The following TBL1X variants were observed in gnomAD, a reference collection of about 807,000 sequenced individuals.
TBL1X encodes the protein F-box-like/WD repeat-containing protein TBL1X.
A neutral mutation model predicts 50.7 loss-of-function variants in TBL1X; 10 were observed. The ratio of observed to expected loss-of-function variants is 0.20; its 90% confidence interval spans 0.12 to 0.33. The LOEUF (loss-of-function observed/expected upper bound fraction) is 0.33. TBL1X is among the 10% of genes least tolerant of loss of function. TBL1X has a pLI of 1.00. For missense variants in TBL1X, 340 were observed against 504.4 expected, an observed-to-expected ratio of 0.67 and a Z score of 3.12; for synonymous variants, 190 against 214.7, an observed-to-expected ratio of 0.88 and a Z score of 1.01.
chrX:9,520,827 C>T (rs1348928416), intron 2 of TBL1X, among the ~76,000 whole-genome samples: 1 of 111,212 alleles, frequency 9.0e-6, no homozygotes, highest in East Asian at 2.8e-4. Context: ...CATGGTGGCT[C>T]ATGTCTGTAA....
At chrX:9,547,076 C>T (rs1323472523) in intron 2 of TBL1X, among the ~76,000 whole-genome samples, 1 of 109,653 alleles carries the variant, frequency 9.1e-6, no homozygotes, top group Non-Finnish European at 1.9e-5. Context: ...CCTCGGCCTC[C>T]CAAAGTGCTG....
intron 1 of TBL1X, among the ~76,000 whole-genome samples, chrX:9,493,644 C>T (rs1185338943): frequency 9.1e-6 from 1 of 110,485 alleles, no homozygotes; most frequent in Non-Finnish European, 1.9e-5. Context: ...GTTCCTGGTC[C>T]CAGCTACTTG....
chrX:9,510,089 C>T (rs190463677), intron 2 of TBL1X, among the ~76,000 whole-genome samples: 2 of 111,127 alleles, frequency 1.8e-5, no homozygotes, highest in East Asian at 5.6e-4. Flanking sequence ...CCTGTTTTAC[C>T]TTTGGCAACA....
At chrX:9,547,377 T>C (rs1227661874) in intron 2 of TBL1X, among the ~76,000 whole-genome samples, 2 of 110,321 alleles carry the variant, frequency 1.8e-5, no homozygotes, top group African/African-American at 6.6e-5. Flanking sequence ...TGGAGTGCAA[T>C]GGCGCGATCT....
rs777721422 is a variant in TBL1X at position 9,565,571 on chromosome X, G to GT, written c.-131+63723dup. On this transcript the variant is annotated intron_variant, in intron 2 of 17. Coordinates refer to ENST00000645353, the MANE Select transcript of TBL1X (RefSeq NM_005647.4). Reference sequence around the variant, plus strand: ...TGGCCAGGCATGGTGGCTTATGCCTGTAATTACAACACTTCGGGAGGCCGA... The same window carrying GT: ...TGGCCAGGCATGGTGGCTTATGCCTGTTAATTACAACACTTCGGGAGGCCGA... 3.2e-4 allele frequency among the ~76,000 whole-genome samples: 36 copies of GT among 111,560 alleles called. 1 individual carries two copies. The South Asian group carries it at 0.013, about 41-fold the overall frequency.
chrX:9,574,541 C>A (rs1258654496), intron 2 of TBL1X, among the ~76,000 whole-genome samples: 1 of 108,542 alleles, frequency 9.2e-6, no homozygotes, highest in Non-Finnish European at 1.9e-5. Context: ...CCTTCCCGAA[C>A]CTTTGCTGGG....
intron 2 of TBL1X, among the ~76,000 whole-genome samples, chrX:9,538,139 C>T (rs908989346): frequency 8.9e-6 from 1 of 111,975 alleles, no homozygotes; most frequent in Non-Finnish European, 1.9e-5. Context: ...GGGACGTTTG[C>T]ACTGTGCTTG....
At chrX:9,665,488 G>GATATATATAT in intron 5 of TBL1X, among the ~76,000 whole-genome samples, 2 of 15,063 alleles carry the variant, frequency 1.3e-4, no homozygotes, top group East Asian at 2.9e-3. Context: ...TGATATTCAA[G>GATATATATAT]CTATATATAT....
intron 2 of TBL1X, among the ~76,000 whole-genome samples, chrX:9,578,066 G>A (rs1366259082): frequency 9.0e-6 from 1 of 111,729 alleles, no homozygotes. Flanking sequence ...CACCAGCATC[G>A]CTGTGGGTTC....
chrX:9,661,784 G>A (rs886940973), intron 5 of TBL1X, among the ~76,000 whole-genome samples: 3 of 111,479 alleles, frequency 2.7e-5, no homozygotes, highest in Non-Finnish European at 3.8e-5. Flanking sequence ...GTAAGCTGGC[G>A]TGGGTCTCGG....
chrX:9,584,127 G>C (rs1424271735), intron 2 of TBL1X, among the ~76,000 whole-genome samples: 1 of 112,126 alleles, frequency 8.9e-6, no homozygotes, highest in Non-Finnish European at 1.9e-5. Flanking sequence ...GGGTGTTGTT[G>C]CTGGCAGGCA....
rs3043994 is a variant in TBL1X, at chrX:9,684,598, T to TAAAA, written c.357+425_357+428dup. Among the ~76,000 whole-genome samples, 49 of 51,270 alleles carry TAAAA rather than the reference T, an allele frequency of 9.6e-4. 1 individual carries two copies. The East Asian group carries it at 0.01, about 11-fold the overall frequency. The allele number at this position is 51,270 out of a possible 115,157, so 44.5% of individuals were successfully genotyped here. The stretch of plus-strand genomic sequence containing the variant: ...TGCAGTGAGACTCCATCTCTAAAAT[T>TAAAA]AAAAAAAAAAAAAAAAAAGGAAGAA... On this transcript the variant is annotated intron_variant, in intron 6 of 17. Transcript: ENST00000645353.
At chrX:9,693,556 T>C in intron 11 of TBL1X, 137 bp downstream of exon 11, 5 of 626,104 alleles carry the variant, frequency 8.0e-6, no homozygotes, top group Non-Finnish European at 1.2e-5. Flanking sequence ...TGTTTAGGCT[T>C]TGTTTTTGTG....
At chrX:9,472,370 C>T (rs192347335) in intron 1 of TBL1X, among the ~76,000 whole-genome samples, 1 of 110,222 alleles carries the variant, frequency 9.1e-6, no homozygotes, top group Admixed American at 9.7e-5. Flanking sequence ...AGTGATCCTT[C>T]TGCCTCAGCC....
intron 2 of TBL1X, among the ~76,000 whole-genome samples, chrX:9,575,003 C>CT (rs1171574160): frequency 9.0e-6 from 1 of 111,515 alleles, no homozygotes; most frequent in Non-Finnish European, 1.9e-5. Context: ...TTTCACGCTG[C>CT]TATAAGGAAC....
At chrX:9,463,727 C>T (rs2081750438), upstream of TBL1X, among the ~76,000 whole-genome samples, 1 of 111,205 alleles carries the variant, frequency 9.0e-6, no homozygotes, top group Non-Finnish European at 1.9e-5. Context: ...CCCGTCTCTA[C>T]TAAAAATACA....
intron 2 of TBL1X, among the ~76,000 whole-genome samples, chrX:9,543,476 C>A (rs767509410): frequency 9.1e-6 from 1 of 110,300 alleles, no homozygotes; most frequent in South Asian, 4.0e-4. Context: ...CCCTCCTCCC[C>A]CCTCCTCCCT....
chrX:9,473,289 C>T (rs2081828962), intron 1 of TBL1X, among the ~76,000 whole-genome samples: 1 of 112,239 alleles, frequency 8.9e-6, no homozygotes, highest in South Asian at 3.7e-4. Context: ...GTGTCCTTGC[C>T]TTCAGTTCTT....
intron 5 of TBL1X, among the ~76,000 whole-genome samples, chrX:9,655,418 T>G (rs781148549): frequency 9.0e-6 from 1 of 111,366 alleles, no homozygotes; most frequent in African/African-American, 3.3e-5. Flanking sequence ...TAAAGACAGA[T>G]TGGATTCGGA....
Sources: allele counts gnomAD v4.1 joint callset (sites outside exome capture counted in the v4.1 genomes callset), GRCh38; gene constraint gnomAD v4.1.1; transcripts MANE v1.5; gene names NCBI Gene and HGNC (gene_info 2026-07-23, HGNC 2026-07-21).